Variants in MYO15A observed in about 807,000 individuals in gnomAD.
The protein encoded by MYO15A is unconventional myosin-XV.
In MYO15A, 308 loss-of-function variants were observed where a neutral mutation model predicts 394.6. The observed-to-expected ratio is 0.78, with a 90% CI of 0.71 to 0.86. MYO15A has a LOEUF of 0.86. Ranked by LOEUF, MYO15A falls within the 40% of genes least tolerant of loss-of-function variation. The pLI is 0.00. For synonymous variants in MYO15A, 1,957 were observed against 2,003.8 expected (o/e 0.98, Z 0.62); for missense variants, 4,606 against 4,799.1 (o/e 0.96, Z 1.19).
Position 18,151,863 on chromosome 17 carries a change from T to C in MYO15A, c.7805T>C (p.Val2602Ala), listed in dbSNP as rs1476349303. ...GCCCACAGGAAGGATGGCGGGAAAG[T>C]GTTCATGAAGCGGCCAGACCCTCAT... ...PEALRKDGGKVFMKRPDPHEE... is the reference protein window; with the variant it reads ...PEALRKDGGKAFMKRPDPHEE... The change falls in exon 41 of 66, where the codon GTG becomes GCG. Residue 2602 changes from valine (V) to alanine (A), a missense_variant. Transcript: ENST00000647165. 1.3e-6 allele frequency: 2 copies of C among 1,577,078 alleles called. No individual in the cohort carries two copies. The highest frequency in any genetic ancestry group is 1.9e-5 in the Admixed American group (1 of 53,040).
At chr17:18,157,975 G>C in intron 51 of MYO15A, 75 bp downstream of exon 51, 1 of 1,437,774 alleles carries the variant, frequency 7.0e-7, no homozygotes, top group African/African-American at 1.4e-5. Flanking sequence ...TGAGGCGAGT[G>C]GGGATAAGGT....
At chr17:18,139,018 C>T (rs867779084) in intron 18 of MYO15A, 82 bp downstream of exon 18, 4 of 1,543,740 alleles carry the variant, frequency 2.6e-6, no homozygotes, top group Middle Eastern at 2.0e-4. Context: ...ACACTGGCCC[C>T]AGACATTCAC....
In MYO15A at chr17:18,154,238, T is replaced by C. The variant is rs779908075; in HGVS notation, c.8148+48T>C. 3.1e-6 allele frequency: 5 copies of C among 1,603,968 alleles called. No individual in the cohort carries two copies. In the Admixed American group the frequency reaches 6.7e-5, roughly 21 times the overall value. ...TGCCTCAGTGAACTCAGCAGGGCTG[T>C]GTGGACGCAAAGATGAGCTAGCTGC... On this transcript the variant is annotated intron_variant, in intron 44 of 65. Coordinates refer to ENST00000647165, the MANE Select transcript of MYO15A (RefSeq NM_016239.4).
In MYO15A at chr17:18,120,163, G is replaced by A. The variant is rs763161076; in HGVS notation, c.1363G>A (p.Ala455Thr). The A allele has an allele frequency of 1.6e-5, 26 of 1,612,888 alleles. No homozygotes were observed. Among genetic ancestry groups the A allele is most frequent in the Middle Eastern group, 1.6e-4 (1 of 6,062 alleles). ...GGGGACCTCCTTCCGCCTGCCCAGC[G>A]CCGCCTTCTTCGAGCAGCAAGGCAT... ...RQGTSFRLPS[A>T]AFFEQQGMDK... is the part of the protein sequence containing the mutation. The change falls in exon 2 of 66, where the codon GCC becomes ACC. Residue 455 changes from alanine to threonine, a missense_variant. Ala to Thr is a moderately conservative substitution (Grantham distance 58, BLOSUM62 0). Coordinates refer to ENST00000647165, the MANE Select transcript of MYO15A (RefSeq NM_016239.4).
At chr17:18,161,047 G>T in intron 56 of MYO15A, 1 of 600,582 alleles carries the variant, frequency 1.7e-6, no homozygotes, top group Non-Finnish European at 3.1e-6. Flanking sequence ...CCTGTTGTGA[G>T]GCAGAGAAGA....
intron 15 of MYO15A, 42 bp downstream of exon 15, chr17:18,136,728 A>G: frequency 6.4e-7 from 1 of 1,552,478 alleles, no homozygotes; most frequent in South Asian, 1.2e-5. Context: ...GACATAGGCA[A>G]GGTCTCGCCT....
At chr17:18,149,639 T>TGTGTACACCCTGTA in intron 35 of MYO15A, 59 bp downstream of exon 35, 8 of 1,542,528 alleles carry the variant, frequency 5.2e-6, no homozygotes, top group Non-Finnish European at 7.2e-6. Flanking sequence ...TACACCCAAG[T>TGTGTACACCCTGTA]CACACACTTG....
intron 3 of MYO15A, chr17:18,124,834 T>C (rs2046003413): frequency 3.4e-6 from 2 of 585,794 alleles, no homozygotes; most frequent in Non-Finnish European, 6.1e-6. Flanking sequence ...AAAATGGGAG[T>C]GGGATGGCTG....
chr17:18,145,025 G>A (rs943023253), intron 29 of MYO15A, among the ~76,000 whole-genome samples: 1 of 152,160 alleles, frequency 6.6e-6, no homozygotes, highest in Non-Finnish European at 1.5e-5. Context: ...AGGCATTTGA[G>A]CTGGAGGGGA....
chr17:18,114,072 G>C (rs1324845291), intron 1 of MYO15A, among the ~76,000 whole-genome samples: 2 of 152,030 alleles, frequency 1.3e-5, no homozygotes, highest in Non-Finnish European at 2.9e-5. Context: ...GAGATCCCCA[G>C]GGGTGGATTA....
rs950801645 is a variant in MYO15A at position 18,148,626 on chromosome 17, G to T, written c.6764+58G>T. On this transcript the variant is annotated intron_variant, in intron 32 of 65. Coordinates refer to ENST00000647165, the MANE Select transcript of MYO15A (RefSeq NM_016239.4). The surrounding 1 kb of genome is among the most constrained non-coding windows in gnomAD (Gnocchi z 4.8). ...TTATGTACCTGGAATGTTGTGGGGG[G>T]AGGTCAGATCCCCCAGAGGGTCCCA... 6.5e-7 allele frequency: 1 copy of T among 1,546,872 alleles called. No homozygotes were observed. Among genetic ancestry groups the T allele is most frequent in the African/African-American group, 1.4e-5 (1 of 72,924 alleles).
chr17:18,153,978 T>C lies in MYO15A; in HGVS notation c.8088+82T>C. The C allele has an allele frequency of 1.2e-6, 2 of 1,608,802 alleles. No individual in the cohort carries two copies. The highest frequency in any genetic ancestry group is 3.3e-5 in the Admixed American group (2 of 59,906). On this transcript the variant is annotated intron_variant, in intron 43 of 65. Coordinates refer to ENST00000647165, the MANE Select transcript of MYO15A (RefSeq NM_016239.4). This position sits in a 1 kb window ranked among gnomAD's most constrained non-coding sequence, Gnocchi z 4.1. ...AAGCGAGCAGAGGAGGGTCTAGGAC[T>C]TGGGGAGGGAGCCCAGGAGGACAGA... is the stretch of plus-strand genomic sequence containing the variant.
intron 19 of MYO15A, among the ~76,000 whole-genome samples, chr17:18,139,888 CCA>C (rs1299901589): frequency 1.3e-5 from 2 of 152,244 alleles, no homozygotes; most frequent in Non-Finnish European, 2.9e-5. Flanking sequence ...ACCCTGTACC[CCA>C]CCAGCTGTGG....
chr17:18,115,310 A>T (rs1244953874), intron 1 of MYO15A, among the ~76,000 whole-genome samples: 2 of 152,194 alleles, frequency 1.3e-5, no homozygotes, highest in African/African-American at 4.8e-5. Flanking sequence ...CCATAGCAGT[A>T]GAGGCTGCTA....
intron 57 of MYO15A, among the ~76,000 whole-genome samples, chr17:18,161,661 A>T (rs2142400051): frequency 6.6e-6 from 1 of 152,142 alleles, no homozygotes; most frequent in South Asian, 2.1e-4. Flanking sequence ...GTCAGGGATG[A>T]CTCCTTGGAG....
At chr17:18,154,244 CGCAAAGATGAGCTAGCT>C in intron 44 of MYO15A, 54 bp downstream of exon 44, 1 of 1,596,688 alleles carries the variant, frequency 6.3e-7, no homozygotes. Flanking sequence ...GCTGTGTGGA[CGCAAAGATGAGCTAGCT>C]GCAAAGCCTG....
At chr17:18,112,112 G>GACA (rs1392853323) in intron 1 of MYO15A, among the ~76,000 whole-genome samples, 35 of 152,340 alleles carry the variant, frequency 2.3e-4, no homozygotes, top group African/African-American at 8.2e-4. Flanking sequence ...CCTTTCTTCT[G>GACA]GACAGACAGA....
chr17:18,130,900 C>T (rs1282861147), intron 8 of MYO15A, 90 bp downstream of exon 8: 27 of 1,344,964 alleles, frequency 2.0e-5, no homozygotes, highest in Non-Finnish European at 2.6e-5. Flanking sequence ...GTGGATGTGC[C>T]TGCTCCTGTG....
At chr17:18,178,619 C>T in intron 65 of MYO15A, 150 bp from the exon 66 acceptor site, 1 of 787,974 alleles carries the variant, frequency 1.3e-6, no homozygotes, top group South Asian at 1.5e-5. Flanking sequence ...TCATGCTCCT[C>T]TCAGGCCCTG....
Sources: allele counts gnomAD v4.1 joint callset (sites outside exome capture counted in the v4.1 genomes callset), GRCh38; gene constraint gnomAD v4.1.1; non-coding constraint Gnocchi (gnomAD v3.1); transcripts MANE v1.5; gene names NCBI Gene and HGNC (gene_info 2026-07-23, HGNC 2026-07-21).